Variants in CLEC16A observed in about 807,000 individuals in gnomAD.
The protein encoded by CLEC16A is protein CLEC16A.
CLEC16A carries 51 observed loss-of-function variants against 109.5 expected under a neutral mutation model. The ratio of observed to expected loss-of-function variants is 0.47; its 90% CI spans 0.37 to 0.59. CLEC16A has a LOEUF of 0.59. CLEC16A is among the 20% of genes least tolerant of loss of function. The probability of loss-of-function intolerance (pLI) is 0.00; values close to 1 mark genes in which losing one functional copy is unlikely to be tolerated. For synonymous variants in CLEC16A, 673 were observed against 564.2 expected (o/e 1.19, Z -2.73); for missense variants, 1,339 against 1,394.0 (o/e 0.96, Z 0.63).
intron 23 of CLEC16A, among the ~76,000 whole-genome samples, chr16:11,177,372 G>C (rs572052641): frequency 6.6e-6 from 1 of 152,084 alleles, no homozygotes; most frequent in Non-Finnish European, 1.5e-5. Context: ...AGGCCGAGGC[G>C]GGCGGATCAC....
chr16:11,088,311 C>G (rs149520265), intron 19 of CLEC16A, among the ~76,000 whole-genome samples: 14 of 152,336 alleles, frequency 9.2e-5, no homozygotes, highest in African/African-American at 3.1e-4. Flanking sequence ...AGCTAGGACT[C>G]CACAGAACCA....
At chr16:10,982,117 G>C (rs2146705021) in intron 9 of CLEC16A, among the ~76,000 whole-genome samples, 1 of 152,326 alleles carries the variant, frequency 6.6e-6, no homozygotes, top group African/African-American at 2.4e-5. Flanking sequence ...ACACCCTCTT[G>C]CCTTTACATT....
chr16:11,125,904 T>TGGGGGGGGGGGGGGGGGGGGGG, intron 21 of CLEC16A, 75 bp from the exon 22 acceptor site: 3 of 182,596 alleles, frequency 1.6e-5, no homozygotes, highest in Non-Finnish European at 2.3e-5. Flanking sequence ...CACTACGATG[T>TGGGGGGGGGGGGGGGGGGGGGG]CCCCCCCCCC....
At chr16:11,045,107 G>A (rs776441453) in intron 16 of CLEC16A, among the ~76,000 whole-genome samples, 20 of 152,244 alleles carry the variant, frequency 1.3e-4, no homozygotes, top group South Asian at 8.3e-4. Flanking sequence ...CACTTTGGGA[G>A]GCTGCGGCGG....
At chr16:10,956,673 G>C (rs1266963325) in intron 1 of CLEC16A, among the ~76,000 whole-genome samples, 1 of 152,136 alleles carries the variant, frequency 6.6e-6, no homozygotes, top group African/African-American at 2.4e-5. Flanking sequence ...TGATTCTTTT[G>C]GTCTCCCCCA....
chr16:11,156,232 T>C (rs2054511702), intron 22 of CLEC16A, among the ~76,000 whole-genome samples: 1 of 152,002 alleles, frequency 6.6e-6, no homozygotes, highest in Non-Finnish European at 1.5e-5. Flanking sequence ...TAGTGGAGCA[T>C]GGTGGCGCAC....
intron 16 of CLEC16A, among the ~76,000 whole-genome samples, chr16:11,046,273 A>G (rs1405669378): frequency 6.6e-6 from 1 of 152,120 alleles, no homozygotes; most frequent in African/African-American, 2.4e-5. Context: ...CCTTCTCCCA[A>G]CCCAGATTTT....
chr16:11,170,968 C>T (rs1306419975), intron 23 of CLEC16A, among the ~76,000 whole-genome samples: 1 of 152,150 alleles, frequency 6.6e-6, no homozygotes, highest in East Asian at 1.9e-4. Context: ...GGCCCTGGTC[C>T]GTGAGGAAGG....
At chr16:11,135,991 AG>A (rs1311764776) in intron 22 of CLEC16A, 2 of 152,302 alleles carry the variant, frequency 1.3e-5, no homozygotes, top group Admixed American at 6.5e-5. Context: ...TTCCCACCCC[AG>A]GGTGTCCATG....
At chr16:11,120,974 C>T (rs1001213762) in intron 20 of CLEC16A, among the ~76,000 whole-genome samples, 3 of 152,134 alleles carry the variant, frequency 2.0e-5, no homozygotes, top group Non-Finnish European at 2.9e-5. Flanking sequence ...TTGACCAAAA[C>T]GCTCGATTCT....
intron 22 of CLEC16A, among the ~76,000 whole-genome samples, chr16:11,138,731 G>A (rs530369790): frequency 8.5e-5 from 13 of 152,274 alleles, no homozygotes; most frequent in African/African-American, 2.2e-4. Flanking sequence ...ACTCAACAGC[G>A]TATCCTGGAG....
At chr16:11,089,374 A>G (rs755243788) in intron 19 of CLEC16A, among the ~76,000 whole-genome samples, 3 of 152,156 alleles carry the variant, frequency 2.0e-5, no homozygotes, top group Non-Finnish European at 2.9e-5. Context: ...TCCCTTGTGC[A>G]TCACCCTTGT....
At chr16:10,969,123 A>G in intron 3 of CLEC16A, 38 bp from the exon 4 acceptor site, 1 of 1,566,736 alleles carries the variant, frequency 6.4e-7, no homozygotes. Context: ...TCTTTCCTCC[A>G]GCATGAGTTA....
At chr16:10,957,028 C>T (rs1169104647) in intron 1 of CLEC16A, among the ~76,000 whole-genome samples, 1 of 152,148 alleles carries the variant, frequency 6.6e-6, no homozygotes, top group African/African-American at 2.4e-5. Context: ...AGCTCCTGAC[C>T]TCAGGTGATC....
Position 11,178,395 on chromosome 16 carries a change from A to G in CLEC16A, c.2867A>G (p.Asn956Ser), listed in dbSNP as rs1371750201. 2 of 1,613,758 alleles carry G rather than the reference A, an allele frequency of 1.2e-6. No individual in the cohort carries two copies. The highest frequency in any genetic ancestry group is 2.2e-5 in the South Asian group (2 of 91,094). The change falls in exon 24 of 24, where the codon AAC (asparagine) becomes AGC (serine). Residue 956 changes from asparagine to serine, a missense_variant. Physicochemically the swap from Asn to Ser is conservative, Grantham distance 46. Around this residue, in one of 3 missense-constraint regions of CLEC16A, gnomAD observed 1,061 missense variants for 1,006.8 expected, o/e 1.05. Coordinates refer to ENST00000409790, the MANE Select transcript of CLEC16A (RefSeq NM_015226.3). The surrounding 1 kb of genome is among the most constrained non-coding windows in gnomAD (Gnocchi z 6.5). ...CTTCCTGACCAGTTGGTAATCGTCA[A>G]CGAAACGGAAGCAGACTCTAAGCCC... ...PHLPDQLVIVNETEADSKPSK... is the reference protein window; with the variant it reads ...PHLPDQLVIVSETEADSKPSK...
chr16:11,108,028 G>T (rs2051330627), intron 19 of CLEC16A, among the ~76,000 whole-genome samples: 1 of 152,230 alleles, frequency 6.6e-6, no homozygotes, highest in Non-Finnish European at 1.5e-5. Context: ...GGCATGCGAG[G>T]CTGATTTTCC....
chr16:11,098,762 G>T (rs183291330), intron 19 of CLEC16A, among the ~76,000 whole-genome samples: 56 of 152,276 alleles, frequency 3.7e-4, no homozygotes, highest in Middle Eastern at 3.4e-3. Context: ...GCACATTCTC[G>T]CCCAAGTGCT....
At chr16:10,974,916 G>C (rs2042965005) in intron 7 of CLEC16A, among the ~76,000 whole-genome samples, 1 of 152,256 alleles carries the variant, frequency 6.6e-6, no homozygotes, top group African/African-American at 2.4e-5. Context: ...GAATGGAAGA[G>C]TTCTGTCATA....
At chr16:11,109,985 A>C (rs751348540) in intron 19 of CLEC16A, among the ~76,000 whole-genome samples, 16 of 152,238 alleles carry the variant, frequency 1.1e-4, no homozygotes, top group Non-Finnish European at 2.2e-4. Context: ...CAATGCTAAG[A>C]ATTAAATTAT....
Sources: allele counts gnomAD v4.1 joint callset (sites outside exome capture counted in the v4.1 genomes callset), GRCh38; gene constraint gnomAD v4.1.1; regional missense constraint gnomAD v4.1.1; non-coding constraint Gnocchi (gnomAD v3.1); transcripts MANE v1.5; gene names NCBI Gene and HGNC (gene_info 2026-07-23, HGNC 2026-07-21).